Variants in FNDC1 observed in about 807,000 individuals in gnomAD.
The protein encoded by FNDC1 is fibronectin type III domain containing 1.
Under a neutral mutation model 168.0 loss-of-function variants are expected in FNDC1, and 96 were observed. The ratio of observed to expected loss-of-function variants is 0.57; its 90% confidence interval spans 0.48 to 0.68. FNDC1 has a LOEUF of 0.68. Among genes scored for constraint, FNDC1 ranks in the 30% least tolerant of loss-of-function variants. The pLI is 0.00. For missense variants in FNDC1, 2,587 were observed against 2,482.1 expected (o/e 1.04, Z -0.90); for synonymous variants, 1,099 against 1,025.9 (o/e 1.07, Z -1.36).
In FNDC1 at chr6:159,229,869, C is replaced by A. The variant is rs756429306; in HGVS notation, c.1235C>A (p.Thr412Asn). ...AAACCATTTGGAGCAAAGTCCCTCACCTATCCTGGAGACACTACTTCTGCC... is the reference window on the plus strand; with the variant it reads ...AAACCATTTGGAGCAAAGTCCCTCAACTATCCTGGAGACACTACTTCTGCC... ...ALKPFGAKSL[T>N]YPGDTTSALV... The change falls in exon 10 of 23, where the codon ACC becomes AAC. Residue 412 changes from threonine (T) to asparagine (N), a missense_variant. Physicochemically the swap from Thr to Asn is moderately conservative, Grantham distance 65. Transcript: ENST00000297267. 9.3e-6 allele frequency: 15 copies of A among 1,613,936 alleles called. No homozygotes were observed. Among genetic ancestry groups the A allele is most frequent in the Non-Finnish European group, 1.3e-5 (15 of 1,179,836 alleles).
At chr6:159,223,481 AC>A (rs768517548) in intron 6 of FNDC1, 46 bp from the exon 7 acceptor site, 2 of 1,264,322 alleles carry the variant, frequency 1.6e-6, no homozygotes, top group Admixed American at 3.7e-5. Context: ...TCAGGGCAGA[AC>A]CTGTTGTGAG....
At chr6:159,237,738 A>C (rs1264046270) in intron 12 of FNDC1, among the ~76,000 whole-genome samples, 7 of 152,260 alleles carry the variant, frequency 4.6e-5, no homozygotes, top group African/African-American at 1.4e-4. Context: ...TCTCAAAGAT[A>C]ACCACTGTTA....
At position 159,267,873 on chromosome 6, in the gene FNDC1, T is replaced by G. The variant is rs201022798; in HGVS notation, c.5516T>G (p.Leu1839Arg). 1 of 1,613,332 alleles carries G rather than the reference T, an allele frequency of 6.2e-7. No homozygotes were observed. Among genetic ancestry groups the G allele is most frequent in the Non-Finnish European group, 8.5e-7 (1 of 1,179,608 alleles). The stretch of plus-strand genomic sequence containing the variant: ...CATTGCCAATTTGTGGATTCACACC[T>G]TGATGGAAGAACAGGGCCTCAGTCC... ...EDHCQFVDSH[L>R]DGRTGPQSYV... is the part of the protein sequence containing the mutation. Residue 1839 changes from leucine (L) to arginine (R), a missense_variant, in exon 22 of 23, where the codon CTT becomes CGT. Transcript: ENST00000297267.
intron 5 of FNDC1, among the ~76,000 whole-genome samples, chr6:159,217,572 T>A (rs1238734241): frequency 1.3e-5 from 2 of 152,142 alleles, no homozygotes; most frequent in African/African-American, 4.8e-5. Flanking sequence ...AGGACGTCCC[T>A]TTTCTGTTTG....
chr6:159,266,299 A>T, intron 21 of FNDC1, 54 bp downstream of exon 21: 1 of 1,591,736 alleles, frequency 6.3e-7, no homozygotes, highest in Non-Finnish European at 8.6e-7. Context: ...TTGATTTATC[A>T]AGTACAAACT....
In FNDC1 at chr6:159,221,587, C is replaced by T; in HGVS notation, c.668-11C>T. 1 of 1,610,980 alleles carries T rather than the reference C, an allele frequency of 6.2e-7. No individual in the cohort carries two copies. Among genetic ancestry groups the T allele is most frequent in the Non-Finnish European group, 8.5e-7 (1 of 1,177,152 alleles). The stretch of plus-strand genomic sequence containing the variant: ...AAGTCAGAATCTCATCCCTCACTCC[C>T]TGGTCCACAGCCTCGGAATCCGTGT... On this transcript the variant is annotated splice_polypyrimidine_tract_variant and intron_variant, in intron 5 of 22. Coordinates refer to ENST00000297267, the MANE Select transcript of FNDC1 (RefSeq NM_032532.3).
rs149807639 is a variant in FNDC1, at chr6:159,219,938, A to G, written c.668-1660A>G. Among the ~76,000 whole-genome samples, 150 of 152,322 alleles carry G rather than the reference A, an allele frequency of 9.8e-4. 2 individuals carry two copies. Among genetic ancestry groups the G allele is most frequent in the African/African-American group, 3.6e-3 (148 of 41,562 alleles). On this transcript the variant is annotated intron_variant, in intron 5 of 22. Coordinates refer to ENST00000297267, the MANE Select transcript of FNDC1 (RefSeq NM_032532.3). The stretch of plus-strand genomic sequence containing the variant: ...GATTCCATTGTCAATAGCACCGAGT[A>G]ATGAACAGATCTGAAGTGACTCCTC...
At chr6:159,210,320 C>T (rs567741342) in intron 4 of FNDC1, among the ~76,000 whole-genome samples, 7 of 152,314 alleles carry the variant, frequency 4.6e-5, no homozygotes, top group East Asian at 1.9e-4. Flanking sequence ...AGATGGGGTG[C>T]GAATTCTGGC....
At chr6:159,222,186 A>C (rs931463910) in intron 6 of FNDC1, among the ~76,000 whole-genome samples, 7 of 152,236 alleles carry the variant, frequency 4.6e-5, no homozygotes, top group African/African-American at 1.7e-4. Flanking sequence ...TACATTTCCC[A>C]CGTCCCTTCA....
intron 15 of FNDC1, 91 bp downstream of exon 15, chr6:159,247,060 A>G: frequency 9.9e-7 from 1 of 1,010,904 alleles, no homozygotes; most frequent in Non-Finnish European, 1.6e-6. Flanking sequence ...TCTTGATGGA[A>G]GTTTCCTTTA....
In FNDC1 at chr6:159,225,585, A is replaced by T. The variant is rs1244482620; in HGVS notation, c.935A>T (p.Tyr312Phe). Residue 312 changes from tyrosine (Y) to phenylalanine (F), a missense_variant, in exon 8 of 23, where the codon TAT (tyrosine) becomes TTT (phenylalanine). Physicochemically the swap from Tyr to Phe is conservative, Grantham distance 22. Coordinates refer to ENST00000297267, the MANE Select transcript of FNDC1 (RefSeq NM_032532.3). ...AAGGGGGAATTGGCCAGGTGGGATT[A>T]TAAGCAGATCGCTAACAGGCGTGTG... ...REKGELARWDYKQIANRRVLI... is the reference protein window; with the variant it reads ...REKGELARWDFKQIANRRVLI... 1 of 1,613,972 alleles carries T rather than the reference A, an allele frequency of 6.2e-7. No individual in the cohort carries two copies. The highest frequency in any genetic ancestry group is 1.7e-5 in the Admixed American group (1 of 60,016).
intron 16 of FNDC1, among the ~76,000 whole-genome samples, chr6:159,250,252 T>C (rs188403): frequency 6.6e-6 from 1 of 152,094 alleles, no homozygotes; most frequent in Non-Finnish European, 1.5e-5. Context: ...AGCTTCAGAC[T>C]AATTTTTGGA....
chr6:159,230,040 C>T, intron 10 of FNDC1, 37 bp downstream of exon 10: 3 of 1,553,894 alleles, frequency 1.9e-6, no homozygotes, highest in Non-Finnish European at 2.6e-6. Flanking sequence ...TTCTCTCTCT[C>T]TTCATTCCTG....
At chr6:159,174,394 C>A (rs974671594) in intron 1 of FNDC1, among the ~76,000 whole-genome samples, 1 of 152,266 alleles carries the variant, frequency 6.6e-6, no homozygotes, top group African/African-American at 2.4e-5. Context: ...GAAAAACCTG[C>A]GTCTTCCTCC....
Position 159,236,272 on chromosome 6 carries a change from C to A in FNDC1, c.4025C>A (p.Pro1342Gln), listed in dbSNP as rs571008515. The A allele has an allele frequency of 6.2e-7, 1 of 1,613,582 alleles. No individual in the cohort carries two copies. Among genetic ancestry groups the A allele is most frequent in the Middle Eastern group, 1.7e-4 (1 of 6,060 alleles). ...GKVLPGSNGK[P>Q]NGQRIINGPQ... ...GTCCTTCCTGGTAGTAATGGAAAAC[C>A]GAATGGACAGAGAATTATCAATGGC... Residue 1342 changes from proline to glutamine, a missense_variant, in exon 12 of 23, where the codon CCG (proline) becomes CAG (glutamine). Transcript: ENST00000297267.
At chr6:159,196,677 CATTT>C (rs1443371748) in intron 1 of FNDC1, among the ~76,000 whole-genome samples, 1 of 152,174 alleles carries the variant, frequency 6.6e-6, no homozygotes, top group East Asian at 1.9e-4. Context: ...ATTTCACACA[CATTT>C]ATATTATGTT....
chr6:159,248,528 T>C (rs1777184933), intron 15 of FNDC1, among the ~76,000 whole-genome samples: 1 of 152,078 alleles, frequency 6.6e-6, no homozygotes, highest in South Asian at 2.1e-4. Flanking sequence ...ATGGTCTTGA[T>C]CTCCTGAACT....
At chr6:159,270,905 G>GGA (rs768941329) in intron 22 of FNDC1, among the ~76,000 whole-genome samples, 5 of 152,174 alleles carry the variant, frequency 3.3e-5, no homozygotes, top group Non-Finnish European at 7.4e-5. Context: ...TCTTCCATGG[G>GGA]GAGAGAGAGA....
At chr6:159,257,569 C>G (rs1045037330) in intron 18 of FNDC1, among the ~76,000 whole-genome samples, 1 of 152,054 alleles carries the variant, frequency 6.6e-6, no homozygotes, top group African/African-American at 2.4e-5. Context: ...CTACACAGGC[C>G]GAGGAACATG....
Sources: gnomAD v4.1 joint callset for allele counts (sites outside exome capture counted in the v4.1 genomes callset) on GRCh38, gnomAD v4.1.1 for gene constraint, MANE v1.5 for transcripts, NCBI Gene and HGNC (gene_info 2026-07-23, HGNC 2026-07-21) for gene names.